Variants in KCNH1 observed in about 807,000 individuals in gnomAD.
The protein encoded by KCNH1 is voltage-gated delayed rectifier potassium channel KCNH1.
KCNH1 carries 27 observed loss-of-function variants against 69.2 expected under a neutral mutation model. That is an observed-to-expected ratio of 0.39 (90% CI 0.29 to 0.54). The LOEUF (loss-of-function observed/expected upper bound fraction) is 0.54. KCNH1 is among the 20% of genes least tolerant of loss of function. KCNH1 has a pLI of 0.68. For synonymous variants in KCNH1, 456 were observed against 487.7 expected, an observed-to-expected ratio of 0.93 and a Z score of 0.86; for missense variants, 798 against 1,261.6, an observed-to-expected ratio of 0.63 and a Z score of 5.57.
At chr1:210,739,976 A>T (rs1048016660) in intron 10 of KCNH1, among the ~76,000 whole-genome samples, 1 of 148,552 alleles carries the variant, frequency 6.7e-6, no homozygotes, top group African/African-American at 2.6e-5. Flanking sequence ...CCAGGGGGGG[A>T]AAAAAACACA....
chr1:210,887,046 A>C lies in KCNH1; in HGVS notation c.1462+32594T>G, dbSNP rs552966552. Reference sequence around the variant, plus strand: ...CATTCAAAATCAGGAAATACAGAGAACACCAAAAACATACTCCTCAAGAAG... The same window carrying C: ...CATTCAAAATCAGGAAATACAGAGACCACCAAAAACATACTCCTCAAGAAG... On this transcript the variant is annotated intron_variant, in intron 7 of 10. Transcript: ENST00000271751. Among the ~76,000 whole-genome samples the C allele has an allele frequency of 1.6e-4, 25 of 152,292 alleles. No individual in the cohort carries two copies. In the South Asian group the frequency reaches 1.7e-3, roughly 10 times the overall value.
chr1:210,841,743 T>G (rs745470423), intron 7 of KCNH1, among the ~76,000 whole-genome samples: 4 of 152,148 alleles, frequency 2.6e-5, no homozygotes, highest in Non-Finnish European at 5.9e-5. Flanking sequence ...GTTTTTCCCC[T>G]GTGTATATAC....
chr1:210,754,841 C>CA (rs61196743), intron 10 of KCNH1, among the ~76,000 whole-genome samples: 4,806 of 151,052 alleles, frequency 0.032, 218 homozygotes, highest in African/African-American at 0.1. Context: ...CAAGTACACA[C>CA]GGGCACACAC....
At chr1:210,856,814 A>G (rs937231826) in intron 7 of KCNH1, among the ~76,000 whole-genome samples, 8 of 131,884 alleles carry the variant, frequency 6.1e-5, no homozygotes, top group South Asian at 2.3e-4. Flanking sequence ...TATATATATT[A>G]TATATATTTT....
At chr1:211,025,589 A>T (rs967573757) in intron 5 of KCNH1, among the ~76,000 whole-genome samples, 5 of 152,102 alleles carry the variant, frequency 3.3e-5, no homozygotes, top group Admixed American at 2.0e-4. Flanking sequence ...GCATAATGTG[A>T]AAGAGTCTTG....
intron 7 of KCNH1, among the ~76,000 whole-genome samples, chr1:210,867,330 T>TACACACACAC (rs57696942): frequency 9.7e-5 from 14 of 144,130 alleles, no homozygotes; most frequent in African/African-American, 3.6e-4. Context: ...TGTATATGTT[T>TACACACACAC]ACACACACAC....
chr1:210,819,604 G>GA (rs11344067), intron 7 of KCNH1, among the ~76,000 whole-genome samples: 214 of 146,976 alleles, frequency 1.5e-3, no homozygotes, highest in African/African-American at 1.9e-3. Flanking sequence ...AAAAGTTTAG[G>GA]AAAAAAAAAA....
In KCNH1 at chr1:210,915,289, G is replaced by T. The variant is rs12021704; in HGVS notation, c.1462+4351C>A. On this transcript the variant is annotated intron_variant, in intron 7 of 10. Coordinates refer to ENST00000271751, the MANE Select transcript of KCNH1 (RefSeq NM_172362.3). ...ATCACCCAGACTGTCAACTCCTTAAGAGCACCAACTACGGTGTTAGTCACC... is the reference window on the plus strand; with the variant it reads ...ATCACCCAGACTGTCAACTCCTTAATAGCACCAACTACGGTGTTAGTCACC... Among the ~76,000 whole-genome samples the T allele has an allele frequency of 2.0e-5, 3 of 152,070 alleles. 1 individual carries two copies. Among genetic ancestry groups the T allele is most frequent in the South Asian group, 4.2e-4 (2 of 4,810 alleles).
chr1:210,918,275 C>A (rs1364512104), intron 7 of KCNH1, among the ~76,000 whole-genome samples: 1 of 152,210 alleles, frequency 6.6e-6, no homozygotes, highest in Non-Finnish European at 1.5e-5. Flanking sequence ...AACAATTTGT[C>A]AACTCCACCC....
rs777371856 is a variant in KCNH1, at chr1:211,048,480, C to CAT, written c.559-29226_559-29225dup. Among the ~76,000 whole-genome samples the CAT allele has an allele frequency of 8.6e-4, 130 of 151,962 alleles. 1 individual carries two copies. Among genetic ancestry groups the CAT allele is most frequent in the African/African-American group, 2.6e-3 (109 of 41,474 alleles). ...GGATAAAGAAAATGTGGTGTATATA[C>CAT]ATATATACATATACCACGGAATACT... On this transcript the variant is annotated intron_variant, in intron 5 of 10. Transcript: ENST00000271751.
At chr1:210,714,593 G>A (rs182057647) in intron 10 of KCNH1, among the ~76,000 whole-genome samples, 4 of 152,110 alleles carry the variant, frequency 2.6e-5, no homozygotes, top group African/African-American at 7.2e-5. Context: ...CATAAATTAC[G>A]GTCTGAATTC....
rs139541611 is a variant in KCNH1 at position 210,724,504 on chromosome 1, CT to C, written c.2113-40367del. 7.2e-3 allele frequency among the ~76,000 whole-genome samples: 1,094 copies of C among 152,242 alleles called. 16 individuals are homozygous for C. The highest frequency in any genetic ancestry group is 0.025 in the African/African-American group (1,054 of 41,544). ...AGTAAATATTCATCAAATAGTGCTC[CT>C]ACTGAAGATAGGAGACAGATTCAGA... On this transcript the variant is annotated intron_variant, in intron 10 of 10. Coordinates refer to ENST00000271751, the MANE Select transcript of KCNH1 (RefSeq NM_172362.3).
At chr1:211,088,663 A>G (rs1690998381) in intron 4 of KCNH1, among the ~76,000 whole-genome samples, 1 of 152,240 alleles carries the variant, frequency 6.6e-6, no homozygotes, top group Non-Finnish European at 1.5e-5. Flanking sequence ...GTCTACTAGC[A>G]GGATTCCTAC....
chr1:210,978,799 G>A (rs1260033056), intron 6 of KCNH1, among the ~76,000 whole-genome samples: 1 of 152,174 alleles, frequency 6.6e-6, no homozygotes, highest in Non-Finnish European at 1.5e-5. Context: ...AACATCTCAA[G>A]CCCATAAGGC....
intron 7 of KCNH1, among the ~76,000 whole-genome samples, chr1:210,854,813 C>T (rs1176678630): frequency 6.6e-6 from 1 of 152,182 alleles, no homozygotes; most frequent in Non-Finnish European, 1.5e-5. Context: ...ATCAAGAACA[C>T]AGATTTAGCC....
intron 1 of KCNH1, among the ~76,000 whole-genome samples, chr1:211,130,170 G>A (rs547613483): frequency 4.6e-4 from 70 of 152,326 alleles, no homozygotes; most frequent in African/African-American, 1.6e-3. Flanking sequence ...TTTTGCCTAT[G>A]TGGCAACAAA....
intron 7 of KCNH1, among the ~76,000 whole-genome samples, chr1:210,806,106 G>A (rs566237163): frequency 3.9e-5 from 6 of 152,220 alleles, no homozygotes; most frequent in South Asian, 2.1e-4. Flanking sequence ...TGGGTCATAC[G>A]GTTACTAGGT....
chr1:210,830,148 A>G (rs925762991), intron 7 of KCNH1, among the ~76,000 whole-genome samples: 1 of 152,136 alleles, frequency 6.6e-6, no homozygotes, highest in African/African-American at 2.4e-5. Flanking sequence ...TCCCTTAACC[A>G]TCTCAAGCTT....
chr1:211,067,108 C>T (rs979069127), intron 5 of KCNH1, among the ~76,000 whole-genome samples: 2 of 152,164 alleles, frequency 1.3e-5, no homozygotes, highest in Admixed American at 6.5e-5. Flanking sequence ...ATGGAGTGAT[C>T]CCAGGCAGAC....
Sources: gnomAD v4.1 joint callset for allele counts (sites outside exome capture counted in the v4.1 genomes callset) on GRCh38, gnomAD v4.1.1 for gene constraint, MANE v1.5 for transcripts, NCBI Gene and HGNC (gene_info 2026-07-23, HGNC 2026-07-21) for gene names.